The following HEMK2 variants were observed in gnomAD, a reference collection of about 807,000 sequenced individuals.
The protein encoded by HEMK2 is HemK methyltransferase 2, ETF1 glutamine and histone H4 lysine.
the HEMK2 span, among the ~76,000 whole-genome samples, chr21:28,629,766 T>C: frequency 1.3e-5 from 2 of 152,172 alleles, no homozygotes; most frequent in African/African-American, 4.8e-5. Context: ...TATCTTTCCA[T>C]AGAGACATAA....
chr21:28,885,339 C>T, the HEMK2 span: 5 of 1,570,424 alleles, frequency 3.2e-6, no homozygotes, highest in Non-Finnish European at 4.4e-6. Context: ...AAGTTCTCCC[C>T]TGCCATAGTC....
the HEMK2 span, among the ~76,000 whole-genome samples, chr21:28,698,495 T>C: frequency 4.6e-5 from 7 of 152,200 alleles, no homozygotes; most frequent in African/African-American, 1.7e-4. Flanking sequence ...GACTTGGTCC[T>C]ATCCCCCCTC....
At chr21:28,879,549 CT>C in the HEMK2 span, among the ~76,000 whole-genome samples, 272 of 152,260 alleles carry the variant, frequency 1.8e-3, 5 homozygotes, top group African/African-American at 5.9e-3. Flanking sequence ...CAGTTAAAAC[CT>C]TTTGTTTTGC....
At chr21:28,817,816 T>C in the HEMK2 span, among the ~76,000 whole-genome samples, 9 of 152,284 alleles carry the variant, frequency 5.9e-5, no homozygotes, top group South Asian at 1.7e-3. Context: ...GGGGCTCAGG[T>C]CCCAGCTTCC....
the HEMK2 span, among the ~76,000 whole-genome samples, chr21:28,849,965 T>C: frequency 2.0e-5 from 3 of 152,174 alleles, no homozygotes; most frequent in African/African-American, 7.2e-5. Context: ...ATGAAAATTC[T>C]CCTAACCTAA....
chr21:28,737,676 T>C, the HEMK2 span, among the ~76,000 whole-genome samples: 34,681 of 151,784 alleles, frequency 0.23, 4,589 homozygotes, highest in African/African-American at 0.35. Flanking sequence ...ACGATGAAAA[T>C]TTGTAAGGAA....
the HEMK2 span, among the ~76,000 whole-genome samples, chr21:28,868,551 G>A: frequency 6.6e-6 from 1 of 152,072 alleles, no homozygotes; most frequent in Non-Finnish European, 1.5e-5. Flanking sequence ...GGTTGTGGTG[G>A]TGCACACCTG....
chr21:28,685,789 G>C, the HEMK2 span, among the ~76,000 whole-genome samples: 4 of 152,130 alleles, frequency 2.6e-5, no homozygotes, highest in Non-Finnish European at 5.9e-5. Context: ...GAGGGGGCAG[G>C]TATTAGAGTC....
the HEMK2 span, among the ~76,000 whole-genome samples, chr21:28,641,479 C>G: frequency 6.6e-6 from 1 of 152,114 alleles, no homozygotes. Flanking sequence ...TCTTCTTATC[C>G]TGAGCCCAGA....
At chr21:28,688,607 A>C in the HEMK2 span, among the ~76,000 whole-genome samples, 5 of 152,154 alleles carry the variant, frequency 3.3e-5, no homozygotes, top group East Asian at 9.6e-4. Flanking sequence ...TTGTTGAATG[A>C]ATAAATGAAT....
chr21:28,786,141 A>G, the HEMK2 span, among the ~76,000 whole-genome samples: 182 of 152,164 alleles, frequency 1.2e-3, 15 homozygotes, highest in Non-Finnish European at 2.9e-5. Flanking sequence ...TGAGATCAGG[A>G]CCAAGAGATC....
chr21:28,757,820 C>A, the HEMK2 span, among the ~76,000 whole-genome samples: 1 of 152,130 alleles, frequency 6.6e-6, no homozygotes, highest in African/African-American at 2.4e-5. Flanking sequence ...TCTGGGACAG[C>A]AGAAACAGAG....
the HEMK2 span, among the ~76,000 whole-genome samples, chr21:28,862,689 T>C: frequency 1.7e-3 from 266 of 152,110 alleles, 7 homozygotes; most frequent in African/African-American, 5.8e-3. Context: ...GCTACGACCA[T>C]GTGACCAACT....
the HEMK2 span, among the ~76,000 whole-genome samples, chr21:28,731,560 A>C: frequency 1.4e-5 from 2 of 139,030 alleles, no homozygotes; most frequent in Non-Finnish European, 3.0e-5. Flanking sequence ...CTTAGAAGTG[A>C]GCAGTTGCTC....
chr21:28,692,464 T>G, the HEMK2 span, among the ~76,000 whole-genome samples: 755 of 152,196 alleles, frequency 5.0e-3, 6 homozygotes, highest in African/African-American at 0.017. Context: ...ATAAGGAAAG[T>G]AAAGTAAAAA....
At chr21:28,678,083 G>A in the HEMK2 span, among the ~76,000 whole-genome samples, 11 of 152,086 alleles carry the variant, frequency 7.2e-5, no homozygotes, top group Admixed American at 6.5e-5. Flanking sequence ...GGCTTCAGAC[G>A]ATCAAACTAC....
chr21:28,826,719 T>A, the HEMK2 span, among the ~76,000 whole-genome samples: 1 of 152,158 alleles, frequency 6.6e-6, no homozygotes, highest in Non-Finnish European at 1.5e-5. Flanking sequence ...AACTAATCCA[T>A]CCTCCCAGCA....
chr21:28,814,543 A>AG, the HEMK2 span, among the ~76,000 whole-genome samples: 1 of 151,962 alleles, frequency 6.6e-6, no homozygotes, highest in African/African-American at 2.4e-5. Context: ...CAAGAAAAAA[A>AG]AAAAACCCCA....
chr21:28,603,549 ATGTGTGTGTGTGTGTGTG>A, the HEMK2 span, among the ~76,000 whole-genome samples: 425 of 135,824 alleles, frequency 3.1e-3, 2 homozygotes, highest in African/African-American at 0.011. Flanking sequence ...GAGGATATAT[ATGTGTGTGTGTGTGTGTG>A]TGTGTGTGTG....
Sources: allele counts gnomAD v4.1 joint callset (sites outside exome capture counted in the v4.1 genomes callset), GRCh38; gene constraint gnomAD v4.1.1; transcripts MANE v1.5; gene names NCBI Gene and HGNC (gene_info 2026-07-23, HGNC 2026-07-21).